TNS3: variants seen among roughly 807,000 people sequenced by gnomAD.
The protein encoded by TNS3 is tensin-3.
Under a neutral mutation model 140.9 loss-of-function variants are expected in TNS3, and 45 were observed. The ratio of observed to expected loss-of-function variants is 0.32; its 90% CI spans 0.25 to 0.41. The LOEUF (loss-of-function observed/expected upper bound fraction) is 0.41. Among genes scored for constraint, TNS3 ranks in the 10% least tolerant of loss-of-function variants. The pLI, the probability that TNS3 is intolerant of heterozygous loss-of-function variation, is 1.00. For synonymous variants in TNS3, 815 were observed against 788.4 expected (o/e 1.03, Z -0.56); for missense variants, 1,716 against 1,906.7 (o/e 0.90, Z 1.86).
intron 9 of TNS3, among the ~76,000 whole-genome samples, chr7:47,427,598 C>T (rs1276384038): frequency 6.6e-6 from 1 of 152,192 alleles, no homozygotes; most frequent in Non-Finnish European, 1.5e-5. Flanking sequence ...ACCACAGCTG[C>T]CCAGGGCCAG....
intron 17 of TNS3, among the ~76,000 whole-genome samples, chr7:47,361,119 C>A (rs751056052): frequency 2.0e-5 from 3 of 149,344 alleles, no homozygotes; most frequent in Non-Finnish European, 4.4e-5. Context: ...TAAATGCTAT[C>A]CTCCATTGTC....
chr7:47,375,132 T>C (rs1037685845), intron 16 of TNS3, among the ~76,000 whole-genome samples: 4 of 152,242 alleles, frequency 2.6e-5, no homozygotes, highest in Non-Finnish European at 4.4e-5. Flanking sequence ...ACCCTCATTC[T>C]GCAAATTCAG....
intron 20 of TNS3, among the ~76,000 whole-genome samples, chr7:47,333,836 A>G (rs2150931596): frequency 6.6e-6 from 1 of 152,340 alleles, no homozygotes; most frequent in Admixed American, 6.5e-5. Context: ...GAATTAAAAA[A>G]CTAAATTTTA....
Position 47,344,912 on chromosome 7 carries a change from C to A in TNS3, c.2566+12G>T. On this transcript the variant is annotated intron_variant, in intron 19 of 30. Transcript: ENST00000311160. ...GGAGCAGCACATGCAGCTAGTGTTA[C>A]TTCATTCTTACCATACGGTGTCTCT... The A allele has an allele frequency of 6.2e-7, 1 of 1,613,896 alleles. No homozygotes were observed. Among genetic ancestry groups the A allele is most frequent in the Non-Finnish European group, 8.5e-7 (1 of 1,179,792 alleles).
In TNS3 at chr7:47,439,502, G is replaced by A. The variant is rs200171767; in HGVS notation, c.135C>T (p.His45=). ...QEVTRMLKSK[H]GDNYLVLNLS... is the part of the protein sequence containing the mutation. Reference sequence around the variant, plus strand: ...CACCGCTCACCAGGTAGTTGTCCCCGTGCTTGGACTTGAGCATGCGCGTGA... The same window carrying A: ...CACCGCTCACCAGGTAGTTGTCCCCATGCTTGGACTTGAGCATGCGCGTGA... Residue 45 remains histidine, a synonymous_variant, in exon 6 of 31, where the codon CAC becomes CAT. Coordinates refer to ENST00000311160, the MANE Select transcript of TNS3 (RefSeq NM_022748.12). 102 of 1,613,792 alleles carry A rather than the reference G, an allele frequency of 6.3e-5. No individual in the cohort carries two copies. Among genetic ancestry groups the A allele is most frequent in the Middle Eastern group, 5.0e-4 (3 of 6,058 alleles).
Position 47,415,076 on chromosome 7 carries a change from G to A in TNS3, c.586+18C>T, listed in dbSNP as rs140952992. 3.3e-5 allele frequency: 52 copies of A among 1,592,898 alleles called. 3 individuals are homozygous for A. In the South Asian group the frequency reaches 3.8e-4, roughly 12 times the overall value. On this transcript the variant is annotated intron_variant, in intron 11 of 30. Coordinates refer to ENST00000311160, the MANE Select transcript of TNS3 (RefSeq NM_022748.12). ...TGGGCCAGCCAATCGCAGGTGCCAC[G>A]TCATAGGGGACACTCACCTCCACCT...
At chr7:47,315,703 A>G (rs1208966760) in intron 20 of TNS3, among the ~76,000 whole-genome samples, 1 of 152,228 alleles carries the variant, frequency 6.6e-6, no homozygotes, top group African/African-American at 2.4e-5. Context: ...AGGAGTTGTC[A>G]GACATATTAA....
chr7:47,435,139 A>G (rs1795114748), intron 8 of TNS3, 143 bp downstream of exon 8: 4 of 1,101,256 alleles, frequency 3.6e-6, no homozygotes, highest in Admixed American at 6.3e-5. Flanking sequence ...AAGAGCAAGT[A>G]GGAAAACCTA....
chr7:47,448,289 T>C (rs1167053987), intron 4 of TNS3, among the ~76,000 whole-genome samples: 1 of 152,174 alleles, frequency 6.6e-6, no homozygotes, highest in Non-Finnish European at 1.5e-5. Context: ...CCATTCCCTC[T>C]GCAACAAAAC....
At chr7:47,514,613 C>G (rs1199696134) in intron 2 of TNS3, among the ~76,000 whole-genome samples, 1 of 152,156 alleles carries the variant, frequency 6.6e-6, no homozygotes, top group Non-Finnish European at 1.5e-5. Flanking sequence ...ACTCTCATCT[C>G]CTTTAGGCCT....
intron 1 of TNS3, among the ~76,000 whole-genome samples, chr7:47,541,620 C>T (rs555595743): frequency 6.6e-6 from 1 of 152,202 alleles, no homozygotes; most frequent in South Asian, 2.1e-4. Flanking sequence ...GAATACAATA[C>T]AAATCCAAGA....
intron 4 of TNS3, among the ~76,000 whole-genome samples, chr7:47,477,352 G>A (rs1797234912): frequency 6.6e-6 from 1 of 152,212 alleles, no homozygotes; most frequent in African/African-American, 2.4e-5. Flanking sequence ...CAGGTTAGCT[G>A]CAGAGCAGAG....
At position 47,369,130 on chromosome 7, in the gene TNS3, G is replaced by C; in HGVS notation, c.1516C>G (p.His506Asp). The stretch of plus-strand genomic sequence containing the variant: ...TTGTGGCAGGTGAAGGGACCCAGGT[G>C]GGCCGACTGAGGCCCTTCCGAGGAG... ...LSSSEGPQSA[H>D]LGPFTCHKSS... Residue 506 changes from histidine to aspartate, a missense_variant, in exon 17 of 31, where the codon CAC becomes GAC. Coordinates refer to ENST00000311160, the MANE Select transcript of TNS3 (RefSeq NM_022748.12). The C allele has an allele frequency of 1.9e-6, 3 of 1,613,920 alleles. No individual in the cohort carries two copies. The highest frequency in any genetic ancestry group is 2.5e-6 in the Non-Finnish European group (3 of 1,180,042).
At chr7:47,315,944 A>G (rs1258092623) in intron 20 of TNS3, among the ~76,000 whole-genome samples, 2 of 152,182 alleles carry the variant, frequency 1.3e-5, no homozygotes, top group Non-Finnish European at 1.5e-5. Context: ...AATTTAGCTG[A>G]GGTCAATATT....
intron 1 of TNS3, chr7:47,579,911 A>G (rs6966111): frequency 1.2e-5 from 11 of 896,184 alleles, no homozygotes; most frequent in Non-Finnish European, 1.3e-5. Context: ...GTGGAAGAGC[A>G]TACTTTGACA....
At chr7:47,444,042 CA>C (rs1450073604) in intron 4 of TNS3, among the ~76,000 whole-genome samples, 3 of 152,226 alleles carry the variant, frequency 2.0e-5, no homozygotes, top group Non-Finnish European at 4.4e-5. Flanking sequence ...TAGGTTAATT[CA>C]TACAATCTGT....
intron 1 of TNS3, chr7:47,579,033 A>AAGCC (rs1287854091): frequency 6.6e-6 from 1 of 152,382 alleles, no homozygotes; most frequent in Non-Finnish European, 1.5e-5. Flanking sequence ...TGTGAAGATG[A>AAGCC]AGCCACGCAA....
intron 4 of TNS3, among the ~76,000 whole-genome samples, chr7:47,469,428 A>G (rs1796854082): frequency 6.6e-6 from 1 of 152,232 alleles, no homozygotes; most frequent in African/African-American, 2.4e-5. Flanking sequence ...TGCAGAGAAA[A>G]GGAATGCTTG....
chr7:47,402,463 A>C (rs1793219877), intron 13 of TNS3, among the ~76,000 whole-genome samples: 2 of 152,200 alleles, frequency 1.3e-5, no homozygotes, highest in Admixed American at 6.5e-5. Flanking sequence ...TTGGCCACAA[A>C]TCTACCACCT....
Sources: gnomAD v4.1 joint callset for allele counts (sites outside exome capture counted in the v4.1 genomes callset) on GRCh38, gnomAD v4.1.1 for gene constraint, MANE v1.5 for transcripts, NCBI Gene and HGNC (gene_info 2026-07-23, HGNC 2026-07-21) for gene names.